Variants in GAD2 observed in about 807,000 individuals in gnomAD.
GAD2 encodes the protein glutamate decarboxylase 2, also known as 65 kDa glutamic acid decarboxylase.
Under a neutral mutation model 80.1 loss-of-function variants are expected in GAD2, and 22 were observed. The observed-to-expected ratio is 0.27, with a 90% CI of 0.20 to 0.39. The LOEUF is 0.39. Ranked by LOEUF, GAD2 falls within the 10% of genes least tolerant of loss-of-function variation. The pLI is 1.00. For missense variants in GAD2, 624 were observed against 738.4 expected (o/e 0.85, Z 1.80); for synonymous variants, 274 against 256.9 (o/e 1.07, Z -0.64).
At chr10:26,223,772 G>A (rs1444294586) in intron 4 of GAD2, 115 bp from the exon 5 acceptor site, 1 of 640,756 alleles carries the variant, frequency 1.6e-6, no homozygotes, top group African/African-American at 1.8e-5. Flanking sequence ...TTCTACTTAT[G>A]GATTTCCTGT....
chr10:26,271,174 C>CA (rs1845133348), intron 10 of GAD2, among the ~76,000 whole-genome samples: 1 of 152,034 alleles, frequency 6.6e-6, no homozygotes, highest in Non-Finnish European at 1.5e-5. Flanking sequence ...CAAACAAAAG[C>CA]AAAAAACTGA....
intron 7 of GAD2, among the ~76,000 whole-genome samples, chr10:26,231,418 A>C (rs921725661): frequency 5.3e-5 from 8 of 152,200 alleles, no homozygotes; most frequent in African/African-American, 1.9e-4. Flanking sequence ...AATAGATTGG[A>C]AATCAGTGGA....
chr10:26,236,212 C>G (rs1314162918), intron 7 of GAD2, among the ~76,000 whole-genome samples: 2 of 152,126 alleles, frequency 1.3e-5, no homozygotes, highest in Non-Finnish European at 2.9e-5. Flanking sequence ...CTCCTGGGCT[C>G]AAACACTCCT....
chr10:26,256,226 T>C (rs1844940855), intron 8 of GAD2, among the ~76,000 whole-genome samples: 1 of 151,862 alleles, frequency 6.6e-6, no homozygotes, highest in Admixed American at 6.6e-5. Flanking sequence ...GTATTAATTA[T>C]ATATGTATGT....
chr10:26,226,929 C>CA (rs1015345776), intron 6 of GAD2, among the ~76,000 whole-genome samples: 2 of 152,214 alleles, frequency 1.3e-5, no homozygotes, highest in African/African-American at 4.8e-5. Context: ...TTGGCTTAGT[C>CA]ACCGACCTTT....
chr10:26,295,420 A>AT (rs1170739675), intron 15 of GAD2, among the ~76,000 whole-genome samples: 1 of 151,448 alleles, frequency 6.6e-6, no homozygotes, highest in Admixed American at 6.6e-5. Flanking sequence ...TATGCCAATG[A>AT]TTTTTTCAGA....
intron 8 of GAD2, among the ~76,000 whole-genome samples, chr10:26,255,895 C>A (rs1844937366): frequency 6.9e-6 from 1 of 145,424 alleles, no homozygotes; most frequent in African/African-American, 2.5e-5. Context: ...ATGGCAGGTG[C>A]AAGGAGGACT....
Position 26,281,094 on chromosome 10 carries a change from C to A in GAD2, c.1236+7C>A. On this transcript the variant is annotated splice_region_variant and intron_variant, in intron 12 of 15. Transcript: ENST00000376261. Reference sequence around the variant, plus strand: ...TCTCCTGGTTAGAGAAGAGGTATGTCTCTCTTGACTCTGTGTCCCAGTCCG... The same window carrying A: ...TCTCCTGGTTAGAGAAGAGGTATGTATCTCTTGACTCTGTGTCCCAGTCCG... The A allele has an allele frequency of 6.3e-7, 1 of 1,598,018 alleles. No individual in the cohort carries two copies. The highest frequency in any genetic ancestry group is 1.1e-5 in the South Asian group (1 of 90,754).
intron 15 of GAD2, among the ~76,000 whole-genome samples, chr10:26,294,519 G>C (rs1342003782): frequency 6.6e-6 from 1 of 152,188 alleles, no homozygotes; most frequent in Non-Finnish European, 1.5e-5. Flanking sequence ...GTCTCACCCT[G>C]AAAATGTAAT....
chr10:26,245,940 A>T lies in GAD2; in HGVS notation c.860A>T (p.Lys287Met). ...TTACAGAGTCATTTTTCTCTCAAGA[A>T]GGGAGCTGCAGCCTTAGGGATTGGA... ...TSEHSHFSLK[K>M]GAAALGIGTD... Residue 287 changes from lysine to methionine, a missense_variant, in exon 8 of 16, where the codon AAG (lysine) becomes ATG (methionine). Coordinates refer to ENST00000376261, the MANE Select transcript of GAD2 (RefSeq NM_001134366.2). 2 of 1,613,942 alleles carry T rather than the reference A, an allele frequency of 1.2e-6. No individual in the cohort carries two copies. Among genetic ancestry groups the T allele is most frequent in the Non-Finnish European group, 1.7e-6 (2 of 1,179,810 alleles).
chr10:26,295,435 C>T (rs1241268573), intron 15 of GAD2, among the ~76,000 whole-genome samples: 3 of 151,178 alleles, frequency 2.0e-5, no homozygotes, highest in Non-Finnish European at 4.4e-5. Context: ...TTCAGACTTT[C>T]TGGAAAGTTC....
chr10:26,258,091 T>C (rs1416294844), intron 8 of GAD2, among the ~76,000 whole-genome samples: 1 of 152,194 alleles, frequency 6.6e-6, no homozygotes. Flanking sequence ...CTGACACTGA[T>C]TGAGAGTTTA....
chr10:26,248,079 T>C (rs570057733), intron 8 of GAD2, among the ~76,000 whole-genome samples: 1 of 152,206 alleles, frequency 6.6e-6, no homozygotes, highest in Non-Finnish European at 1.5e-5. Context: ...CCAAGGTGAA[T>C]TGAGCAGCTC....
intron 7 of GAD2, among the ~76,000 whole-genome samples, chr10:26,242,780 A>AC (rs757498522): frequency 1.3e-5 from 2 of 151,986 alleles, no homozygotes; most frequent in African/African-American, 4.8e-5. Context: ...TCATTTAAGA[A>AC]CCCCTATTCT....
chr10:26,246,831 C>T (rs886567217), intron 8 of GAD2, among the ~76,000 whole-genome samples: 1 of 152,154 alleles, frequency 6.6e-6, no homozygotes, highest in African/African-American at 2.4e-5. Context: ...ATGAAGTACA[C>T]ATTTGAACTT....
intron 6 of GAD2, among the ~76,000 whole-genome samples, chr10:26,225,239 G>A (rs755871036): frequency 1.3e-5 from 2 of 152,182 alleles, no homozygotes; most frequent in Non-Finnish European, 2.9e-5. Flanking sequence ...TCTTTATCAT[G>A]CCATTCAGTC....
At chr10:26,253,018 C>G (rs191567209) in intron 8 of GAD2, among the ~76,000 whole-genome samples, 1 of 151,696 alleles carries the variant, frequency 6.6e-6, no homozygotes, top group Non-Finnish European at 1.5e-5. Flanking sequence ...AAGTGAAACA[C>G]GGTTCTCAGT....
At chr10:26,271,104 A>G (rs8190718) in intron 10 of GAD2, among the ~76,000 whole-genome samples, 10,557 of 152,312 alleles carry the variant, frequency 0.069, 453 homozygotes, top group Non-Finnish European at 0.099. Flanking sequence ...CTCACTTACC[A>G]GAATGGTCAG....
At chr10:26,237,250 G>A (rs1043295095) in intron 7 of GAD2, among the ~76,000 whole-genome samples, 1 of 152,174 alleles carries the variant, frequency 6.6e-6, no homozygotes, top group African/African-American at 2.4e-5. Flanking sequence ...CCCAGTGCCA[G>A]GTCAAAAGTG....
Sources: gnomAD v4.1 joint callset for allele counts (sites outside exome capture counted in the v4.1 genomes callset) on GRCh38, gnomAD v4.1.1 for gene constraint, MANE v1.5 for transcripts, NCBI Gene and HGNC (gene_info 2026-07-23, HGNC 2026-07-21) for gene names.